The following MTA3 variants were observed in gnomAD, a reference collection of about 807,000 sequenced individuals.
MTA3 encodes metastasis-associated protein MTA3.
A neutral mutation model predicts 83.5 loss-of-function variants in MTA3; 34 were observed. The ratio of observed to expected loss-of-function variants is 0.41; its 90% confidence interval spans 0.31 to 0.54. The LOEUF (loss-of-function observed/expected upper bound fraction) is 0.54. MTA3 is among the 20% of genes least tolerant of loss of function. The pLI is 0.33. For missense variants in MTA3, 761 were observed against 726.4 expected (o/e 1.05, Z -0.55); for synonymous variants, 303 against 252.7 (o/e 1.20, Z -1.89).
At position 42,611,117 on chromosome 2, in the gene MTA3, G is replaced by A. The variant is rs192967493; in HGVS notation, c.317+1533G>A. On this transcript the variant is annotated intron_variant, in intron 4 of 16. Coordinates refer to ENST00000405094, the MANE Select transcript of MTA3 (RefSeq NM_001330442.2). ...CTGCCTCAGCCTTCCGAGTAGCTGGGATTACAGGCACATGCCACCATGCCC... is the reference window on the plus strand; with the variant it reads ...CTGCCTCAGCCTTCCGAGTAGCTGGAATTACAGGCACATGCCACCATGCCC... Among the ~76,000 whole-genome samples the A allele has an allele frequency of 5.0e-3, 756 of 151,922 alleles. 5 individuals are homozygous for A. The highest frequency in any genetic ancestry group is 0.016 in the African/African-American group (674 of 41,442).
At chr2:42,658,659 T>C (rs1363626200) in intron 7 of MTA3, among the ~76,000 whole-genome samples, 1 of 152,190 alleles carries the variant, frequency 6.6e-6, no homozygotes, top group Non-Finnish European at 1.5e-5. Context: ...CTCTGGGTTG[T>C]GGTCATGTTC....
chr2:42,625,522 G>A (rs1464721094), intron 4 of MTA3, among the ~76,000 whole-genome samples: 1 of 150,296 alleles, frequency 6.7e-6, no homozygotes, highest in Non-Finnish European at 1.5e-5. Flanking sequence ...CGAGGTGGGC[G>A]GATCATGAGG....
intron 15 of MTA3, among the ~76,000 whole-genome samples, chr2:42,719,325 T>G (rs1275478314): frequency 6.6e-6 from 1 of 152,140 alleles, no homozygotes; most frequent in Non-Finnish European, 1.5e-5. Flanking sequence ...AAATGTAATA[T>G]ATATTCATGG....
intron 8 of MTA3, among the ~76,000 whole-genome samples, chr2:42,671,593 C>T (rs1377099551): frequency 6.6e-6 from 1 of 152,090 alleles, no homozygotes; most frequent in Non-Finnish European, 1.5e-5. Context: ...CTCTAATTAT[C>T]ACCTTGGCTG....
chr2:42,499,830 A>G (rs1367765268), intron 2 of MTA3, among the ~76,000 whole-genome samples: 2 of 152,050 alleles, frequency 1.3e-5, no homozygotes, highest in African/African-American at 4.8e-5. Flanking sequence ...AGTGATGGAT[A>G]TGTTTATGGC....
chr2:42,592,235 C>A (rs911611971), intron 3 of MTA3, among the ~76,000 whole-genome samples: 1 of 151,988 alleles, frequency 6.6e-6, no homozygotes, highest in African/African-American at 2.4e-5. Context: ...GCACTCTAGC[C>A]TGGGAGACAG....
chr2:42,713,316 G>A (rs147914839), intron 14 of MTA3, among the ~76,000 whole-genome samples: 2 of 150,894 alleles, frequency 1.3e-5, no homozygotes, highest in East Asian at 2.0e-4. Context: ...TGAAAAATGT[G>A]TTTTATGAGA....
At chr2:42,566,695 C>T (rs572511766), upstream of MTA3, among the ~76,000 whole-genome samples, 1 of 152,286 alleles carries the variant, frequency 6.6e-6, no homozygotes, top group Admixed American at 6.5e-5. Flanking sequence ...GGAAATGAGA[C>T]AGGCACACAA....
At chr2:42,605,139 C>T (rs1211537179) in intron 3 of MTA3, among the ~76,000 whole-genome samples, 1 of 149,824 alleles carries the variant, frequency 6.7e-6, no homozygotes, top group Non-Finnish European at 1.5e-5. Context: ...AGAGGGGCTC[C>T]TCACTTCCCA....
intron 4 of MTA3, among the ~76,000 whole-genome samples, chr2:42,621,761 C>T (rs1182601072): frequency 6.6e-6 from 1 of 151,076 alleles, no homozygotes; most frequent in African/African-American, 2.4e-5. Flanking sequence ...GGCGGAGGGG[C>T]TCTTCACTTC....
At position 42,524,589 on chromosome 2, in the gene MTA3, G is replaced by A. The variant is rs529199224; in HGVS notation, c.-141+29335G>A. 3.4e-5 allele frequency among the ~76,000 whole-genome samples: 5 copies of A among 148,606 alleles called. No homozygotes were observed. The South Asian group carries it at 1.1e-3, about 31-fold the overall frequency. On this transcript the variant is annotated intron_variant, in intron 2 of 17. Transcript: ENST00000405592. ...TCTGCCCATCTCGGCCTCCCAAAGT[G>A]CTGGGATTACAGGTGTGAGCCACCG...
chr2:42,563,907 T>G (rs1488047110), upstream of MTA3, among the ~76,000 whole-genome samples: 1 of 151,648 alleles, frequency 6.6e-6, no homozygotes, highest in Non-Finnish European at 1.5e-5. Flanking sequence ...CACTGCAACC[T>G]CCGCCTCCCA....
At chr2:42,536,858 C>CAAAA (rs71410118) in intron 2 of MTA3, among the ~76,000 whole-genome samples, 20,491 of 83,626 alleles carry the variant, frequency 0.25, 2,632 homozygotes, top group East Asian at 0.31. Context: ...GACCCCATCT[C>CAAAA]AAAAAAAAAA....
In MTA3 at chr2:42,571,866, G is replaced by A. The variant is rs187220036; in HGVS notation, c.96+1362G>A. Among the ~76,000 whole-genome samples the A allele has an allele frequency of 6.2e-3, 947 of 151,824 alleles. 7 individuals are homozygous for A. Among genetic ancestry groups the A allele is most frequent in the African/African-American group, 0.021 (862 of 41,382 alleles). On this transcript the variant is annotated intron_variant, in intron 2 of 16. Coordinates refer to ENST00000405094, the MANE Select transcript of MTA3 (RefSeq NM_001330442.2). ...GGAGGCTGAGGCAGGAGAATTGCTT[G>A]AACCTGGGAGGCATAGGTGGCAGTG...
At position 42,701,827 on chromosome 2, in the gene MTA3, C is replaced by T. The variant is rs531680886; in HGVS notation, c.1026-2367C>T. On this transcript the variant is annotated intron_variant, in intron 11 of 16. Transcript: ENST00000405094. ...ACTTGGGAGGCTGAGGCAGGAGAAT[C>T]GCTTGAACCTGCCGGGGGCAGAGGT... Among the ~76,000 whole-genome samples, 8 of 151,884 alleles carry T rather than the reference C, an allele frequency of 5.3e-5. No homozygotes were observed. The South Asian group carries it at 1.0e-3, about 20-fold the overall frequency.
Position 42,600,204 on chromosome 2 carries a change from A to C in MTA3, c.191-9254A>C, listed in dbSNP as rs192584960. Among the ~76,000 whole-genome samples the C allele has an allele frequency of 7.2e-4, 110 of 152,230 alleles. 1 individual carries two copies. Among genetic ancestry groups the C allele is most frequent in the African/African-American group, 2.5e-3 (105 of 41,546 alleles). The stretch of plus-strand genomic sequence containing the variant: ...CAGAGCGAGACTCTGTCTCAAAAAA[A>C]ACAAAACAAAACAAAAAAACTTGCT... On this transcript the variant is annotated intron_variant, in intron 3 of 16. Coordinates refer to ENST00000405094, the MANE Select transcript of MTA3 (RefSeq NM_001330442.2).
At chr2:42,592,717 A>C (rs1324220047) in intron 3 of MTA3, among the ~76,000 whole-genome samples, 1 of 152,216 alleles carries the variant, frequency 6.6e-6, no homozygotes. Context: ...GTCCCACTGG[A>C]AGGTCTTCAG....
At chr2:42,556,167 T>G (rs893645253) in intron 2 of MTA3, among the ~76,000 whole-genome samples, 1 of 151,808 alleles carries the variant, frequency 6.6e-6, no homozygotes, top group Non-Finnish European at 1.5e-5. Flanking sequence ...GCCTGAGGCA[T>G]GCAGCCAGCC....
At chr2:42,518,539 G>C (rs1224031793) in intron 2 of MTA3, among the ~76,000 whole-genome samples, 1 of 152,102 alleles carries the variant, frequency 6.6e-6, no homozygotes, top group East Asian at 1.9e-4. Context: ...TATAGAAAAA[G>C]ACTAAATAAA....
Sources: allele counts gnomAD v4.1 joint callset (sites outside exome capture counted in the v4.1 genomes callset), GRCh38; gene constraint gnomAD v4.1.1; transcripts MANE v1.5; gene names NCBI Gene and HGNC (gene_info 2026-07-23, HGNC 2026-07-21).